Variants in SSC5D observed in about 807,000 individuals in gnomAD.
SSC5D encodes soluble scavenger receptor cysteine-rich domain-containing protein SSC5D.
Under a neutral mutation model 104.6 loss-of-function variants are expected in SSC5D, and 106 were observed. The observed-to-expected ratio is 1.01, with a 90% CI of 0.87 to 1.19. SSC5D has a LOEUF of 1.19. Ranked by LOEUF, SSC5D falls within the 50% of genes most tolerant of loss-of-function variation. The pLI, the probability that SSC5D is intolerant of heterozygous loss-of-function variation, is 0.00. For missense variants in SSC5D, 1,993 were observed against 2,153.8 expected (o/e 0.93, Z 1.48); for synonymous variants, 860 against 883.5 (o/e 0.97, Z 0.47).
At chr19:55,506,989 A>T (rs946581034) in intron 12 of SSC5D, among the ~76,000 whole-genome samples, 1 of 151,434 alleles carries the variant, frequency 6.6e-6, no homozygotes, top group Non-Finnish European at 1.5e-5. Context: ...CAACATGGCG[A>T]AACCCTGTCT....
rs1987104458 is a variant in SSC5D at position 55,490,366 on chromosome 19, T to C, written c.544T>C (p.Ser182Pro). The change falls in exon 5 of 14, where the codon TCC (serine) becomes CCC (proline). Residue 182 changes from serine to proline, a missense_variant. Physicochemically the swap from Ser to Pro is moderately conservative, Grantham distance 74. Around this residue, in one of 6 missense-constraint regions of SSC5D, gnomAD observed 1,101 missense variants for 1,085.0 expected, o/e 1.01. Transcript: ENST00000389623. ...KKSPRPKQAK[S>P]TRAPLLTTGA... ...GAGCCCCCGGCCCAAGCAGGCCAAG[T>C]CCACCCGGGCCCCTCTGCTGACGAC... is the stretch of plus-strand genomic sequence containing the variant. 1 of 1,519,750 alleles carries C rather than the reference T, an allele frequency of 6.6e-7. No homozygotes were observed. Among genetic ancestry groups the C allele is most frequent in the African/African-American group, 1.4e-5 (1 of 71,662 alleles). The allele number at this position is 1,519,750 out of a possible 1,614,324, so 94.1% of individuals were successfully genotyped here.
Position 55,503,561 on chromosome 19 carries a change from G to A in SSC5D, c.2785+2360G>A, listed in dbSNP as rs1171305529. Among the ~76,000 whole-genome samples the A allele has an allele frequency of 1.3e-5, 2 of 151,638 alleles. No homozygotes were observed. The highest frequency in any genetic ancestry group is 4.9e-5 in the African/African-American group (2 of 41,232). The stretch of plus-strand genomic sequence containing the variant: ...CGGGCTCCTCTGTCCGTTTCTCACC[G>A]TCCCCGCCGCCCTCGCCGCTCCCTC... On this transcript the variant is annotated intron_variant, in intron 12 of 13. Coordinates refer to ENST00000389623, the MANE Select transcript of SSC5D (RefSeq NM_001144950.2). This position sits in a 1 kb window ranked among gnomAD's most constrained non-coding sequence, Gnocchi z 4.0.
Position 55,493,994 on chromosome 19 carries a change from G to GGGGGGGGGGGGGGGGGT in SSC5D, c.1213+82_1213+83insGGGGGGGGGGGGGGGGT. ...GGGCAAGTTCGGCGGGGGCGGGGGG[G>GGGGGGGGGGGGGGGGGT]TCCCTACGCGCCCTTCCTGCCCTCT... On this transcript the variant is annotated intron_variant, in intron 7 of 13. Transcript: ENST00000389623. 8 of 143,314 alleles carry GGGGGGGGGGGGGGGGGT rather than the reference G, an allele frequency of 5.6e-5. 1 individual carries two copies. The highest frequency in any genetic ancestry group is 5.8e-5 in the Non-Finnish European group (4 of 69,490). 8.9% of individuals were successfully genotyped at this position (143,314 alleles called of 1,614,324 possible).
Position 55,503,034 on chromosome 19 carries a change from C to T in SSC5D, c.2785+1833C>T, listed in dbSNP as rs1987548069. ...TTCACCATGTTGGCCAGGCTGGTCT[C>T]AAATTCCTGACCTCGTGATCCGCCT... On this transcript the variant is annotated intron_variant, in intron 12 of 13. Transcript: ENST00000389623. This position sits in a 1 kb window ranked among gnomAD's most constrained non-coding sequence, Gnocchi z 4.0. Among the ~76,000 whole-genome samples, 1 of 152,122 alleles carries T rather than the reference C, an allele frequency of 6.6e-6. No individual in the cohort carries two copies. The highest frequency in any genetic ancestry group is 2.1e-4 in the South Asian group (1 of 4,824).
At chr19:55,502,817 G>C (rs1457533319) in intron 12 of SSC5D, among the ~76,000 whole-genome samples, 1 of 150,112 alleles carries the variant, frequency 6.7e-6, no homozygotes. Flanking sequence ...CACCATGCCT[G>C]GCTAATTTTT....
chr19:55,518,292 T>A lies in SSC5D; in HGVS notation c.4016T>A (p.Val1339Glu). ...TCCTCAACCCCTGTCATCACTACTG[T>A]GTCCCTTCCAACCTCCTTGGGGACA... is the stretch of plus-strand genomic sequence containing the variant. ...DPSSTPVITT[V>E]SLPTSLGTEL... Residue 1339 changes from valine (V) to glutamate (E), a missense_variant, in exon 14 of 14, where the codon GTG (valine) becomes GAG (glutamate). Val to Glu is a moderately radical substitution (Grantham distance 121). This residue lies in a region of SSC5D where 349 missense variants were observed against 397.6 expected (regional missense o/e 0.88). Transcript: ENST00000389623. The A allele has an allele frequency of 6.6e-7, 1 of 1,514,832 alleles. No homozygotes were observed. Among genetic ancestry groups the A allele is most frequent in the Non-Finnish European group, 8.8e-7 (1 of 1,136,718 alleles). 93.8% of individuals were successfully genotyped at this position (1,514,832 alleles called of 1,614,324 possible). A position where few individuals can be genotyped will look rare whatever the true frequency, so the allele number is the denominator to read the frequency against.
At chr19:55,491,140 C>T (rs1987133907) in intron 6 of SSC5D, 60 bp downstream of exon 6, 6 of 1,494,742 alleles carry the variant, frequency 4.0e-6, no homozygotes, top group South Asian at 2.6e-5. Context: ...TCCCTCTTGC[C>T]CCTCCAGGAA....
chr19:55,500,724 C>A lies in SSC5D; in HGVS notation c.2537C>A (p.Ala846Asp), dbSNP rs1169949867. The A allele has an allele frequency of 1.3e-6, 2 of 1,551,668 alleles. No individual in the cohort carries two copies. The highest frequency in any genetic ancestry group is 1.7e-6 in the Non-Finnish European group (2 of 1,147,002). Residue 846 changes from alanine (A) to aspartate (D), a missense_variant, in exon 11 of 14, where the codon GCC becomes GAC. Ala to Asp is a moderately radical substitution (Grantham distance 126). Transcript: ENST00000389623. The surrounding 1 kb of genome is among the most constrained non-coding windows in gnomAD (Gnocchi z 4.6). ...LDDMGCKGSE[A>D]SLSDCPSGAW... is the part of the protein sequence containing the mutation. ...GACATGGGCTGTAAGGGAAGCGAGG[C>A]CTCACTGAGCGACTGCCCCTCGGGG... is the stretch of plus-strand genomic sequence containing the variant.
intron 12 of SSC5D, among the ~76,000 whole-genome samples, chr19:55,506,555 C>G (rs538502120): frequency 6.6e-6 from 1 of 151,716 alleles, no homozygotes; most frequent in East Asian, 1.9e-4. Context: ...CCACTATGCC[C>G]GGCTAATTTT....
At chr19:55,511,972 G>A (rs1251926659) in intron 12 of SSC5D, among the ~76,000 whole-genome samples, 2 of 152,112 alleles carry the variant, frequency 1.3e-5, no homozygotes, top group African/African-American at 2.4e-5. Context: ...ACGCAAGCTT[G>A]TGAGTGGGTA....
At position 55,513,245 on chromosome 19, in the gene SSC5D, C is replaced by A. The variant is rs531655178; in HGVS notation, c.2947+73C>A. 86 of 1,346,330 alleles carry A rather than the reference C, an allele frequency of 6.4e-5. No individual in the cohort carries two copies. In the African/African-American group the frequency reaches 1.2e-3, roughly 19 times the overall value. The allele number at this position is 1,346,330 out of a possible 1,614,324, so 83.4% of individuals were successfully genotyped here. On this transcript the variant is annotated intron_variant, in intron 13 of 13. Coordinates refer to ENST00000389623, the MANE Select transcript of SSC5D (RefSeq NM_001144950.2). ...GGGTAAAGAGACAGATTCCAGACTC[C>A]CCACTGGAACCCTTACCCCAGAAAG...
Position 55,518,387 on chromosome 19 carries a change from C to A in SSC5D, c.4111C>A (p.Pro1371Thr). 3 of 1,551,282 alleles carry A rather than the reference C, an allele frequency of 1.9e-6. No homozygotes were observed. The highest frequency in any genetic ancestry group is 2.6e-6 in the Non-Finnish European group (3 of 1,146,908). ...SLHPQLTFTA[P>T]APHTSTSQIP... ...GCACCCCCAGTTGACCTTCACAGCA[C>A]CTGCCCCTCACACCTCCACATCCCA... The change falls in exon 14 of 14, where the codon CCT becomes ACT. Residue 1371 changes from proline (P) to threonine (T), a missense_variant. Coordinates refer to ENST00000389623, the MANE Select transcript of SSC5D (RefSeq NM_001144950.2).
chr19:55,490,575 C>T (rs1172105999), intron 5 of SSC5D, among the ~76,000 whole-genome samples, 167 bp downstream of exon 5: 1 of 152,152 alleles, frequency 6.6e-6, no homozygotes, highest in Admixed American at 6.5e-5. Flanking sequence ...GCCTGGTCTC[C>T]CCTCTTCTTC....
At chr19:55,495,235 T>TATATATATATATATATATATA (rs35787509) in intron 8 of SSC5D, among the ~76,000 whole-genome samples, 2 of 27,580 alleles carry the variant, frequency 7.3e-5, no homozygotes, top group African/African-American at 3.1e-4. Flanking sequence ...ATATATATAT[T>TATATATATATATATATATATA]TTTTTTTTTT....
chr19:55,488,665 T>C lies in SSC5D; in HGVS notation c.25+51T>C, dbSNP rs1289153107. ...CTCGGGGGGCCTAGGCCCCCACCTC[T>C]GACCCCTTAGCTTGTCCAGTTTAGG... On this transcript the variant is annotated intron_variant, in intron 1 of 13. Coordinates refer to ENST00000389623, the MANE Select transcript of SSC5D (RefSeq NM_001144950.2). 1.5e-5 allele frequency: 22 copies of C among 1,501,554 alleles called. No homozygotes were observed. The East Asian group carries it at 4.7e-4, about 32-fold the overall frequency. 93.0% of individuals were successfully genotyped at this position (1,501,554 alleles called of 1,614,324 possible).
At chr19:55,508,316 AG>A (rs1200464731) in intron 12 of SSC5D, among the ~76,000 whole-genome samples, 1 of 152,178 alleles carries the variant, frequency 6.6e-6, no homozygotes, top group African/African-American at 2.4e-5. Flanking sequence ...CAGGGAGAAG[AG>A]GATCCAGGAC....
In SSC5D at chr19:55,518,358, G is replaced by A. The variant is rs747195172; in HGVS notation, c.4082G>A (p.Ser1361Asn). Residue 1361 changes from serine to asparagine, a missense_variant, in exon 14 of 14, where the codon AGT becomes AAT. Physicochemically the swap from Ser to Asn is conservative, Grantham distance 46. Coordinates refer to ENST00000389623, the MANE Select transcript of SSC5D (RefSeq NM_001144950.2). ...ACTCTAGCACCAACAGTCAAGCCCAGTCTGCACCCCCAGTTGACCTTCACA... is the reference window on the plus strand; with the variant it reads ...ACTCTAGCACCAACAGTCAAGCCCAATCTGCACCCCCAGTTGACCTTCACA... Reference protein sequence around the residue: ...SPTLAPTVKPSLHPQLTFTAP... With the variant: ...SPTLAPTVKPNLHPQLTFTAP... 1 of 1,550,428 alleles carries A rather than the reference G, an allele frequency of 6.4e-7. No homozygotes were observed. Among genetic ancestry groups the A allele is most frequent in the African/African-American group, 1.4e-5 (1 of 72,500 alleles).
Position 55,500,709 on chromosome 19 carries a change from G to A in SSC5D, c.2522G>A (p.Cys841Tyr), listed in dbSNP as rs1987470178. 1.3e-6 allele frequency: 2 copies of A among 1,551,720 alleles called. No individual in the cohort carries two copies. Among genetic ancestry groups the A allele is most frequent in the Non-Finnish European group, 1.7e-6 (2 of 1,147,012 alleles). ...TGPIWLDDMG[C>Y]KGSEASLSDC... Reference sequence around the variant, plus strand: ...CCCATCTGGCTGGATGACATGGGCTGTAAGGGAAGCGAGGCCTCACTGAGC... The same window carrying A: ...CCCATCTGGCTGGATGACATGGGCTATAAGGGAAGCGAGGCCTCACTGAGC... The change falls in exon 11 of 14, where the codon TGT (cysteine) becomes TAT (tyrosine). Residue 841 changes from cysteine to tyrosine, a missense_variant. Cys to Tyr is a radical substitution (Grantham distance 194). Transcript: ENST00000389623. This position sits in a 1 kb window ranked among gnomAD's most constrained non-coding sequence, Gnocchi z 4.6.
intron 6 of SSC5D, chr19:55,492,389 G>A (rs1056662956): frequency 6.6e-6 from 1 of 152,230 alleles, no homozygotes; most frequent in African/African-American, 2.4e-5. Flanking sequence ...TACAAGCTGT[G>A]GGGGAAGAAG....
Sources: gnomAD v4.1 joint callset for allele counts (sites outside exome capture counted in the v4.1 genomes callset) on GRCh38, gnomAD v4.1.1 for gene constraint, gnomAD v4.1.1 regional missense constraint, Gnocchi (gnomAD v3.1) non-coding constraint, MANE v1.5 for transcripts, NCBI Gene and HGNC (gene_info 2026-07-23, HGNC 2026-07-21) for gene names.